Variants in DLGAP4 observed in about 807,000 individuals in gnomAD.
DLGAP4 encodes DLG associated protein 4, also known as disks large-associated protein 4.
Under a neutral mutation model 86.9 loss-of-function variants are expected in DLGAP4, and 18 were observed. That is an observed-to-expected ratio of 0.21 (90% CI 0.14 to 0.31). The LOEUF is 0.31. Among genes scored for constraint, DLGAP4 ranks in the 10% least tolerant of loss-of-function variants. The probability of loss-of-function intolerance (pLI) is 1.00; values close to 1 mark genes in which losing one functional copy is unlikely to be tolerated. For missense variants in DLGAP4, 1,085 were observed against 1,362.6 expected, an observed-to-expected ratio of 0.80 and a Z score of 3.21; for synonymous variants, 548 against 574.3, an observed-to-expected ratio of 0.95 and a Z score of 0.65.
intron 7 of DLGAP4, among the ~76,000 whole-genome samples, chr20:36,469,694 A>G (rs1402670520): frequency 6.6e-6 from 1 of 150,956 alleles, no homozygotes; most frequent in Non-Finnish European, 1.5e-5. Flanking sequence ...TGGAGGTTGC[A>G]GTGAGCCGAG....
chr20:36,449,746 A>G (rs1380074645), intron 7 of DLGAP4, among the ~76,000 whole-genome samples: 1 of 152,232 alleles, frequency 6.6e-6, no homozygotes, highest in Non-Finnish European at 1.5e-5. Flanking sequence ...CCAGTCACTC[A>G]TGAATGGACT....
intron 2 of DLGAP4, among the ~76,000 whole-genome samples, chr20:36,394,423 C>A (rs1185780839): frequency 6.6e-6 from 1 of 152,154 alleles, no homozygotes; most frequent in Non-Finnish European, 1.5e-5. Context: ...GGAGCCCTGG[C>A]CCCACTGGGT....
rs151317958 is a variant in DLGAP4, at chr20:36,507,314, G to A, written c.2512+6703G>A. Among the ~76,000 whole-genome samples, 718 of 151,926 alleles carry A rather than the reference G, an allele frequency of 4.7e-3. 6 individuals carry two copies. Among genetic ancestry groups the A allele is most frequent in the African/African-American group, 0.016 (681 of 41,432 alleles). ...ACAATTTCGGCTCACCACAACCTCCGCCTCCTGGGTGCAAGTGATTCTCGT... is the reference window on the plus strand; with the variant it reads ...ACAATTTCGGCTCACCACAACCTCCACCTCCTGGGTGCAAGTGATTCTCGT... On this transcript the variant is annotated intron_variant, in intron 10 of 12. Transcript: ENST00000339266.
At chr20:36,456,298 G>T (rs562595176) in intron 7 of DLGAP4, among the ~76,000 whole-genome samples, 13 of 152,326 alleles carry the variant, frequency 8.5e-5, no homozygotes, top group Non-Finnish European at 1.5e-4. Flanking sequence ...CGAAGCCCTG[G>T]GTTCTCCATT....
intron 7 of DLGAP4, among the ~76,000 whole-genome samples, chr20:36,466,917 T>C (rs980652363): frequency 2.0e-5 from 3 of 151,896 alleles, no homozygotes; most frequent in Non-Finnish European, 4.4e-5. Flanking sequence ...AGCGAGTCTC[T>C]CGCTCTTGCT....
intron 7 of DLGAP4, among the ~76,000 whole-genome samples, chr20:36,468,500 T>C (rs1213721768): frequency 6.6e-6 from 1 of 152,238 alleles, no homozygotes; most frequent in East Asian, 1.9e-4. Flanking sequence ...GCCAGGAAAT[T>C]GATGGCTTGG....
intron 1 of DLGAP4, among the ~76,000 whole-genome samples, chr20:36,316,416 G>C (rs2147338010): frequency 6.6e-6 from 1 of 152,014 alleles, no homozygotes; most frequent in East Asian, 1.9e-4. Flanking sequence ...TGCGTTTACT[G>C]TTCCCTTTCC....
intron 7 of DLGAP4, chr20:36,493,112 CA>C (rs1488632786): frequency 2.6e-5 from 4 of 152,094 alleles, no homozygotes; most frequent in African/African-American, 9.7e-5. Flanking sequence ...AGGCCTGGCC[CA>C]GCCTTAGCTT....
chr20:36,492,131 G>T (rs546335291), intron 7 of DLGAP4, among the ~76,000 whole-genome samples: 2 of 152,164 alleles, frequency 1.3e-5, no homozygotes, highest in South Asian at 4.1e-4. Context: ...GGAAGTGGCC[G>T]GGGTGAGGTA....
At chr20:36,311,818 C>A (rs1040174615) in intron 1 of DLGAP4, among the ~76,000 whole-genome samples, 3 of 152,196 alleles carry the variant, frequency 2.0e-5, no homozygotes, top group African/African-American at 4.8e-5. Context: ...GGCTGGAAGA[C>A]AGAGGCCGGG....
At chr20:36,332,742 G>A (rs556990196) in intron 1 of DLGAP4, among the ~76,000 whole-genome samples, 18 of 152,188 alleles carry the variant, frequency 1.2e-4, no homozygotes, top group African/African-American at 4.3e-4. Flanking sequence ...GAGGGGAAAG[G>A]AGTTGCCCAG....
intron 2 of DLGAP4, among the ~76,000 whole-genome samples, chr20:36,399,944 AG>A (rs1470517106): frequency 6.6e-6 from 1 of 152,188 alleles, no homozygotes; most frequent in African/African-American, 2.4e-5. Flanking sequence ...TAGCTTTTAG[AG>A]GGCAGGAAAC....
intron 1 of DLGAP4, among the ~76,000 whole-genome samples, chr20:36,342,055 G>A (rs1349627459): frequency 6.6e-6 from 1 of 152,192 alleles, no homozygotes; most frequent in Non-Finnish European, 1.5e-5. Context: ...CCTGGTGGCC[G>A]GAGTGGAGCC....
At chr20:36,463,003 A>AG (rs1348360126) in intron 7 of DLGAP4, among the ~76,000 whole-genome samples, 2 of 5,080 alleles carry the variant, frequency 3.9e-4, no homozygotes, top group Admixed American at 2.5e-3. Context: ...GAAATTTTGC[A>AG]GGGGGGTGGG....
Position 36,500,174 on chromosome 20 carries a change from C to CA in DLGAP4, c.2100-24dup. ...TTGGTGACTCACTCCTTCCTGTCCC[C>CA]ACCCCATCCACCCCCTACCCACAGA... On this transcript the variant is annotated intron_variant, in intron 9 of 12. Transcript: ENST00000339266. The surrounding 1 kb of genome is among the most constrained non-coding windows in gnomAD (Gnocchi z 4.6). 3 of 1,513,942 alleles carry CA rather than the reference C, an allele frequency of 2.0e-6. No homozygotes were observed. Among genetic ancestry groups the CA allele is most frequent in the Non-Finnish European group, 1.8e-6 (2 of 1,128,224 alleles). The allele number at this position is 1,513,942 out of a possible 1,614,324, so 93.8% of individuals were successfully genotyped here. A position where few individuals can be genotyped will look rare whatever the true frequency, so the allele number is the denominator to read the frequency against.
chr20:36,385,409 T>C (rs2031560058), intron 2 of DLGAP4, among the ~76,000 whole-genome samples: 1 of 151,998 alleles, frequency 6.6e-6, no homozygotes, highest in Non-Finnish European at 1.5e-5. Flanking sequence ...GGTTAGTTCT[T>C]AGTAGTAGAA....
chr20:36,347,802 C>A (rs1752869059), intron 1 of DLGAP4, among the ~76,000 whole-genome samples: 1 of 149,516 alleles, frequency 6.7e-6, no homozygotes, highest in African/African-American at 2.5e-5. Flanking sequence ...TCCTAGATGA[C>A]AGAACAAGAC....
chr20:36,427,419 A>C (rs1345544891), intron 2 of DLGAP4, among the ~76,000 whole-genome samples: 1 of 142,850 alleles, frequency 7.0e-6, no homozygotes, highest in Non-Finnish European at 1.5e-5. Flanking sequence ...CAGAGGTTGC[A>C]GTGAGCTGAG....
intron 10 of DLGAP4, among the ~76,000 whole-genome samples, chr20:36,512,931 CTTTTTTTTTTTTTTTTTTTTTTTT>C (rs57978491): frequency 2.5e-4 from 6 of 23,530 alleles, no homozygotes; most frequent in Admixed American, 5.2e-4. Flanking sequence ...CTCAGAGGCC[CTTTTTTTTTTTTTTTTTTTTTTTT>C]TTTTTTTTTT....
Sources: gnomAD v4.1 joint callset for allele counts (sites outside exome capture counted in the v4.1 genomes callset) on GRCh38, gnomAD v4.1.1 for gene constraint, Gnocchi (gnomAD v3.1) non-coding constraint, MANE v1.5 for transcripts, NCBI Gene and HGNC (gene_info 2026-07-23, HGNC 2026-07-21) for gene names.